N4BP1: variants seen among roughly 807,000 people sequenced by gnomAD.
N4BP1 encodes NEDD4 binding protein 1, also known as NEDD4-binding protein 1.
N4BP1 carries 21 observed loss-of-function variants against 70.9 expected under a neutral mutation model. That is an observed-to-expected ratio of 0.30 (90% confidence interval 0.21 to 0.43). The LOEUF (loss-of-function observed/expected upper bound fraction) is 0.43, where lower values mean the gene tolerates loss of function less well. N4BP1 is among the 20% of genes least tolerant of loss of function. N4BP1 has a pLI of 1.00. For missense variants in N4BP1, 936 were observed against 1,069.4 expected, an observed-to-expected ratio of 0.88 and a Z score of 1.74; for synonymous variants, 387 against 394.6, an observed-to-expected ratio of 0.98 and a Z score of 0.23.
intron 3 of N4BP1, among the ~76,000 whole-genome samples, chr16:48,552,699 G>GGAAAAAA (rs1963690192): frequency 5.4e-5 from 1 of 18,486 alleles, no homozygotes; most frequent in African/African-American, 1.3e-4. Flanking sequence ...CTCCGTCTCA[G>GGAAAAAA]AAAAAAAAAA....
At chr16:48,599,972 T>C (rs939820297) in intron 1 of N4BP1, among the ~76,000 whole-genome samples, 7 of 152,240 alleles carry the variant, frequency 4.6e-5, no homozygotes, top group Non-Finnish European at 1.0e-4. Flanking sequence ...TAGGTTTCTA[T>C]TATTGCAGGC....
intron 1 of N4BP1, among the ~76,000 whole-genome samples, chr16:48,592,037 T>C (rs1281620396): frequency 6.6e-6 from 1 of 152,114 alleles, no homozygotes; most frequent in Non-Finnish European, 1.5e-5. Flanking sequence ...ACTGCACGCT[T>C]TAATCAAAGA....
intron 1 of N4BP1, among the ~76,000 whole-genome samples, chr16:48,576,453 G>C (rs1309937992): frequency 6.6e-6 from 1 of 152,166 alleles, no homozygotes; most frequent in Non-Finnish European, 1.5e-5. Flanking sequence ...AGGACCAGCT[G>C]CCATACTGTG....
chr16:48,593,461 A>G (rs1271675862), intron 1 of N4BP1, among the ~76,000 whole-genome samples: 1 of 152,224 alleles, frequency 6.6e-6, no homozygotes, highest in Non-Finnish European at 1.5e-5. Context: ...TGAGGAAGGA[A>G]AAAATCTAAA....
At chr16:48,553,887 TG>T (rs1963711374) in intron 2 of N4BP1, among the ~76,000 whole-genome samples, 1 of 152,224 alleles carries the variant, frequency 6.6e-6, no homozygotes, top group African/African-American at 2.4e-5. Context: ...TCTCACATTT[TG>T]TTAATCTAAC....
intron 1 of N4BP1, among the ~76,000 whole-genome samples, chr16:48,584,880 A>G (rs969976213): frequency 2.0e-5 from 3 of 152,220 alleles, no homozygotes; most frequent in South Asian, 2.1e-4. Context: ...TTTTAATACT[A>G]ATTTAAAAAT....
intron 1 of N4BP1, chr16:48,600,484 T>C: frequency 6.6e-6 from 4 of 603,334 alleles, no homozygotes; most frequent in South Asian, 5.8e-5. Context: ...GCTAAATTTA[T>C]AATGAACAGA....
chr16:48,584,662 C>T (rs3843724), intron 1 of N4BP1, among the ~76,000 whole-genome samples: 1 of 151,578 alleles, frequency 6.6e-6, no homozygotes, highest in Admixed American at 6.6e-5. Context: ...GTATTCCCAG[C>T]GACTTGGGAG....
chr16:48,562,230 A>G lies in N4BP1; in HGVS notation c.413T>C (p.Val138Ala). 2 of 1,613,866 alleles carry G rather than the reference A, an allele frequency of 1.2e-6. No homozygotes were observed. Among genetic ancestry groups the G allele is most frequent in the Admixed American group, 1.7e-5 (1 of 59,996 alleles). Residue 138 changes from valine to alanine, a missense_variant, in exon 2 of 7, where the codon GTA becomes GCA. By Grantham distance (64) the Val-to-Ala change is moderately conservative. Coordinates refer to ENST00000262384, the MANE Select transcript of N4BP1 (RefSeq NM_153029.4). Reference sequence around the variant, plus strand: ...GTTCTCTTTATTTTCAAAGAGCTTTACAAATTGTTGAATGTGACTCCTAGC... The same window carrying G: ...GTTCTCTTTATTTTCAAAGAGCTTTGCAAATTGTTGAATGTGACTCCTAGC... ...VMARSHIQQF[V>A]KLFENKENLP...
chr16:48,595,823 C>T (rs906916984), intron 1 of N4BP1, among the ~76,000 whole-genome samples: 11 of 152,202 alleles, frequency 7.2e-5, no homozygotes, highest in African/African-American at 2.4e-4. Context: ...TACAGGGTTC[C>T]TGACCTGTGG....
At chr16:48,599,337 G>A (rs2151101794) in intron 1 of N4BP1, among the ~76,000 whole-genome samples, 1 of 152,290 alleles carries the variant, frequency 6.6e-6, no homozygotes, top group South Asian at 2.1e-4. Flanking sequence ...GCTAATGGGG[G>A]CATGGTTGTT....
At chr16:48,555,655 TG>T in intron 2 of N4BP1, among the ~76,000 whole-genome samples, 1 of 152,134 alleles carries the variant, frequency 6.6e-6, no homozygotes, top group Non-Finnish European at 1.5e-5. Flanking sequence ...GAAAAAAGAC[TG>T]GGGGTGGTTC....
At chr16:48,560,021 C>A (rs928495633) in intron 2 of N4BP1, among the ~76,000 whole-genome samples, 2 of 152,004 alleles carry the variant, frequency 1.3e-5, no homozygotes, top group African/African-American at 4.8e-5. Context: ...GTGACCTGCC[C>A]CAAATCAAAC....
chr16:48,544,839 AG>A (rs1200247025), intron 6 of N4BP1, among the ~76,000 whole-genome samples: 1 of 152,220 alleles, frequency 6.6e-6, no homozygotes, highest in East Asian at 1.9e-4. Context: ...GAATGTAAAA[AG>A]ACACTCACAC....
At chr16:48,552,306 GA>G (rs1467386038) in intron 3 of N4BP1, among the ~76,000 whole-genome samples, 1 of 152,020 alleles carries the variant, frequency 6.6e-6, no homozygotes, top group Non-Finnish European at 1.5e-5. Context: ...CCAGTAATGG[GA>G]AAAAGCAGCT....
At position 48,543,184 on chromosome 16, in the gene N4BP1, G is replaced by A; in HGVS notation, c.2411C>T (p.Ala804Val). 6.3e-7 allele frequency: 1 copy of A among 1,592,884 alleles called. No homozygotes were observed. Among genetic ancestry groups the A allele is most frequent in the Non-Finnish European group, 8.6e-7 (1 of 1,166,324 alleles). The change falls in exon 7 of 7, where the codon GCA (alanine) becomes GTA (valine). Residue 804 changes from alanine to valine, a missense_variant. This residue lies in a region of N4BP1 where 229 missense variants were observed against 343.5 expected (regional missense o/e 0.67). Coordinates refer to ENST00000262384, the MANE Select transcript of N4BP1 (RefSeq NM_153029.4). ...CGGAGGCTGGTGGCTGGTGCTGGCT[G>A]CCTGGGTGCCAGGGACTCTGAAGCT... is the stretch of plus-strand genomic sequence containing the variant. ...DPSFRVPGTQ[A>V]ASTSHQPPTR... is the part of the protein sequence containing the mutation.
intron 1 of N4BP1, among the ~76,000 whole-genome samples, chr16:48,569,756 G>A (rs1018679562): frequency 6.6e-6 from 1 of 152,146 alleles, no homozygotes; most frequent in Non-Finnish European, 1.5e-5. Flanking sequence ...GGACTTGGAT[G>A]GTGGTCTTTT....
Position 48,597,113 on chromosome 16 carries a change from C to T in N4BP1, c.198+12662G>A, listed in dbSNP as rs1964426434. On this transcript the variant is annotated intron_variant, in intron 1 of 6. Coordinates refer to ENST00000262384, the MANE Select transcript of N4BP1 (RefSeq NM_153029.4). Reference sequence around the variant, plus strand: ...CCTACCTGCCAAATTATCTTTAAAACTCTGATCCCCGAATATGGGGAAATT... The same window carrying T: ...CCTACCTGCCAAATTATCTTTAAAATTCTGATCCCCGAATATGGGGAAATT... 2.0e-5 allele frequency among the ~76,000 whole-genome samples: 3 copies of T among 152,224 alleles called. No individual in the cohort carries two copies. In the South Asian group the frequency reaches 6.2e-4, roughly 32 times the overall value.
chr16:48,605,196 CT>C, intron 1 of N4BP1, among the ~76,000 whole-genome samples: 1 of 152,124 alleles, frequency 6.6e-6, no homozygotes. Context: ...CCCCACCTGG[CT>C]AATTTTGTAA....
Sources: gnomAD v4.1 joint callset for allele counts (sites outside exome capture counted in the v4.1 genomes callset) on GRCh38, gnomAD v4.1.1 for gene constraint, gnomAD v4.1.1 regional missense constraint, MANE v1.5 for transcripts, NCBI Gene and HGNC (gene_info 2026-07-23, HGNC 2026-07-21) for gene names.